EFNA5: variants seen among roughly 807,000 people sequenced by gnomAD.
EFNA5 encodes the protein ephrin A5.
A neutral mutation model predicts 22.9 loss-of-function variants in EFNA5; 5 were observed. The ratio of observed to expected loss-of-function variants is 0.22; its 90% CI spans 0.11 to 0.46. EFNA5 has a LOEUF of 0.46. EFNA5 is among the 20% of genes least tolerant of loss of function. The pLI, the probability that EFNA5 is intolerant of heterozygous loss-of-function variation, is 0.99. For missense variants in EFNA5, 237 were observed against 293.3 expected (o/e 0.81, Z 1.40); for synonymous variants, 113 against 112.2 (o/e 1.01, Z -0.04).
chr5:107,606,358 T>C (rs180946963), intron 1 of EFNA5, among the ~76,000 whole-genome samples: 1 of 152,276 alleles, frequency 6.6e-6, no homozygotes, highest in Non-Finnish European at 1.5e-5. Flanking sequence ...ACTTTTAAAA[T>C]AGCTTTTCTC....
intron 1 of EFNA5, among the ~76,000 whole-genome samples, chr5:107,517,273 AT>A (rs1561419841): frequency 6.6e-6 from 1 of 152,146 alleles, no homozygotes; most frequent in Non-Finnish European, 1.5e-5. Flanking sequence ...CATCATGCAA[AT>A]TATGGTTTCT....
At chr5:107,497,911 TA>T (rs1300735189) in intron 1 of EFNA5, among the ~76,000 whole-genome samples, 2 of 152,196 alleles carry the variant, frequency 1.3e-5, no homozygotes, top group East Asian at 3.9e-4. Context: ...TCTTTATTTT[TA>T]TTATTAGTAG....
intron 1 of EFNA5, among the ~76,000 whole-genome samples, chr5:107,485,813 C>A (rs941331702): frequency 6.6e-6 from 1 of 152,156 alleles, no homozygotes; most frequent in Non-Finnish European, 1.5e-5. Context: ...CCACGGGTCT[C>A]GACCTCACCT....
At chr5:107,661,460 C>G (rs553456812) in intron 1 of EFNA5, among the ~76,000 whole-genome samples, 1 of 152,202 alleles carries the variant, frequency 6.6e-6, no homozygotes, top group South Asian at 2.1e-4. Context: ...ACTTCAAAAA[C>G]GCATCCTGCT....
At chr5:107,445,181 C>T (rs914300874) in intron 1 of EFNA5, among the ~76,000 whole-genome samples, 2 of 152,068 alleles carry the variant, frequency 1.3e-5, no homozygotes, top group Non-Finnish European at 2.9e-5. Context: ...CACCGTCACA[C>T]TCGGCTAATT....
At chr5:107,666,331 G>C (rs1408266737) in intron 1 of EFNA5, among the ~76,000 whole-genome samples, 2 of 152,076 alleles carry the variant, frequency 1.3e-5, no homozygotes, top group African/African-American at 4.8e-5. Flanking sequence ...AAAAAAAAAT[G>C]TTACTACTTC....
At position 107,377,293 on chromosome 5, in the gene EFNA5, T is replaced by C. The variant is rs1249040383; in HGVS notation, c.*3962A>G. 2.0e-5 allele frequency: 3 copies of C among 152,118 alleles called. No individual in the cohort carries two copies. Among genetic ancestry groups the C allele is most frequent in the Non-Finnish European group, 2.9e-5 (2 of 68,052 alleles). 9.4% of individuals were successfully genotyped at this position (152,118 alleles called of 1,614,324 possible). ...CACATCCTAGCAGCCCTGGGGCCAA[T>C]GCATGGGAAAAACTCAGTGATGCCA... On this transcript the variant is annotated 3_prime_UTR_variant, in exon 5 of 5. Coordinates refer to ENST00000333274, the MANE Select transcript of EFNA5 (RefSeq NM_001962.3).
At position 107,611,164 on chromosome 5, in the gene EFNA5, C is replaced by T. The variant is rs1318806686; in HGVS notation, c.125+59325G>A. On this transcript the variant is annotated intron_variant, in intron 1 of 4. Transcript: ENST00000333274. ...GCCTAGCAACACAGCTTTATCACTC[C>T]ACCACGCATATGAAGCCAGAGCCCA... Among the ~76,000 whole-genome samples the T allele has an allele frequency of 3.3e-5, 5 of 152,076 alleles. No homozygotes were observed. The East Asian group carries it at 9.7e-4, about 29-fold the overall frequency.
At chr5:107,464,411 G>A (rs1749921330) in intron 1 of EFNA5, among the ~76,000 whole-genome samples, 1 of 152,134 alleles carries the variant, frequency 6.6e-6, no homozygotes, top group East Asian at 1.9e-4. Flanking sequence ...GCAAAGGTGG[G>A]GCAAGACATG....
chr5:107,482,852 C>T (rs1280350090), intron 1 of EFNA5, among the ~76,000 whole-genome samples: 1 of 67,770 alleles, frequency 1.5e-5, no homozygotes, highest in African/African-American at 6.5e-5. Context: ...CTCTCTCTCT[C>T]TCTCTCTCTC....
chr5:107,625,020 C>T (rs1191373026), intron 1 of EFNA5, among the ~76,000 whole-genome samples: 2 of 152,056 alleles, frequency 1.3e-5, no homozygotes, highest in Non-Finnish European at 2.9e-5. Flanking sequence ...CATGCATGCA[C>T]AATGCTGGCC....
chr5:107,659,386 A>C (rs190096890), intron 1 of EFNA5, among the ~76,000 whole-genome samples: 144 of 152,246 alleles, frequency 9.5e-4, no homozygotes, highest in African/African-American at 3.3e-3. Context: ...GGCGTGGATG[A>C]CTGAAATCCA....
At chr5:107,496,354 C>CAAAA (rs1161571717) in intron 1 of EFNA5, among the ~76,000 whole-genome samples, 1 of 121,728 alleles carries the variant, frequency 8.2e-6, no homozygotes, top group African/African-American at 3.2e-5. Context: ...AAAAAAAAAA[C>CAAAA]AAAAAAACAA....
chr5:107,654,201 T>C (rs1468002137), intron 1 of EFNA5, among the ~76,000 whole-genome samples: 1 of 152,132 alleles, frequency 6.6e-6, no homozygotes, highest in African/African-American at 2.4e-5. Flanking sequence ...GTAAGATGGA[T>C]AGTTTGTTCT....
intron 1 of EFNA5, among the ~76,000 whole-genome samples, chr5:107,557,445 G>A (rs1478330696): frequency 3.3e-5 from 5 of 152,214 alleles, no homozygotes; most frequent in Non-Finnish European, 4.4e-5. Flanking sequence ...CAGGAACCAC[G>A]CAGCCCACTG....
Position 107,555,102 on chromosome 5 carries a change from A to G in EFNA5, c.125+115387T>C, listed in dbSNP as rs1748380547. ...CTCTATGCAGGACACTTTGTCTAACATATCCTGCAGAGACAGATGTAGAGA... is the reference window on the plus strand; with the variant it reads ...CTCTATGCAGGACACTTTGTCTAACGTATCCTGCAGAGACAGATGTAGAGA... On this transcript the variant is annotated intron_variant, in intron 1 of 4. Coordinates refer to ENST00000333274, the MANE Select transcript of EFNA5 (RefSeq NM_001962.3). 2.0e-5 allele frequency among the ~76,000 whole-genome samples: 3 copies of G among 152,232 alleles called. No individual in the cohort carries two copies. The South Asian group carries it at 6.2e-4, about 32-fold the overall frequency.
intron 1 of EFNA5, among the ~76,000 whole-genome samples, chr5:107,470,232 A>G (rs771340577): frequency 6.6e-6 from 1 of 152,184 alleles, no homozygotes; most frequent in African/African-American, 2.4e-5. Context: ...GGCAACAGTG[A>G]GGGTCCTGGG....
chr5:107,609,986 A>G lies in EFNA5; in HGVS notation c.125+60503T>C, dbSNP rs975690489. On this transcript the variant is annotated intron_variant, in intron 1 of 4. Transcript: ENST00000333274. ...CACCTCTCATTTAAGAATGAGACAG[A>G]TAGGAATGTTCAATAGAAAGGGAAG... 4.1e-4 allele frequency among the ~76,000 whole-genome samples: 62 copies of G among 152,162 alleles called. 1 individual carries two copies. Among genetic ancestry groups the G allele is most frequent in the Non-Finnish European group, 2.9e-5 (2 of 68,018 alleles).
chr5:107,664,711 G>A (rs569281786), intron 1 of EFNA5, among the ~76,000 whole-genome samples: 7 of 152,162 alleles, frequency 4.6e-5, no homozygotes, highest in South Asian at 2.1e-4. Flanking sequence ...TTCAGAAAGC[G>A]GATCTGACTG....
Sources: gnomAD v4.1 joint callset for allele counts (sites outside exome capture counted in the v4.1 genomes callset) on GRCh38, gnomAD v4.1.1 for gene constraint, MANE v1.5 for transcripts, NCBI Gene and HGNC (gene_info 2026-07-23, HGNC 2026-07-21) for gene names.